The following TDRD1 variants were observed in gnomAD, a reference collection of about 807,000 sequenced individuals.
TDRD1 encodes the protein tudor domain-containing protein 1.
A neutral mutation model predicts 140.6 loss-of-function variants in TDRD1; 37 were observed. The observed-to-expected ratio is 0.26, with a 90% CI of 0.20 to 0.35. TDRD1 has a LOEUF of 0.35. Ranked by LOEUF, TDRD1 falls within the 10% of genes least tolerant of loss-of-function variation. The pLI, the probability that TDRD1 is intolerant of heterozygous loss-of-function variation, is 1.00. For synonymous variants in TDRD1, 506 were observed against 475.7 expected, an observed-to-expected ratio of 1.06 and a Z score of -0.83; for missense variants, 1,243 against 1,393.0, an observed-to-expected ratio of 0.89 and a Z score of 1.71.
At chr10:114,203,223 T>C (rs916890673) in intron 7 of TDRD1, 47 bp downstream of exon 7, 1 of 1,520,854 alleles carries the variant, frequency 6.6e-7, no homozygotes, top group Non-Finnish European at 9.0e-7. Context: ...CAGAGAACTG[T>C]ATTTATTCTC....
rs757755327 is a variant in TDRD1, at chr10:114,220,640, A to G, written c.2567A>G (p.Lys856Arg). The change falls in exon 19 of 26, where the codon AAA becomes AGA. Residue 856 changes from lysine to arginine, a missense_variant. Transcript: ENST00000251864. Reference sequence around the variant, plus strand: ...TTCCAGATGTGTGTTGCTGGGATAAAATTGCAAGCCAGAGTGGTTGAAGTC... The same window carrying G: ...TTCCAGATGTGTGTTGCTGGGATAAGATTGCAAGCCAGAGTGGTTGAAGTC... The G allele has an allele frequency of 3.7e-6, 6 of 1,613,636 alleles. No individual in the cohort carries two copies. The African/African-American group carries it at 6.7e-5, about 18-fold the overall frequency.
rs907429258 is a variant in TDRD1 at position 114,221,568 on chromosome 10, A to G, written c.2890+92A>G. The G allele has an allele frequency of 7.4e-6, 9 of 1,222,892 alleles. No individual in the cohort carries two copies. The African/African-American group carries it at 7.6e-5, about 10-fold the overall frequency. 75.8% of individuals were successfully genotyped at this position (1,222,892 alleles called of 1,614,324 possible). ...TTGAATTCCTTTGGGAATGAAGGGG[A>G]GAAAGAGGCTCACTGTTTTAAGGAA... On this transcript the variant is annotated intron_variant, in intron 20 of 25. Transcript: ENST00000251864.
At chr10:114,213,644 A>G in intron 15 of TDRD1, 56 bp downstream of exon 15, 1 of 1,492,502 alleles carries the variant, frequency 6.7e-7, no homozygotes, top group East Asian at 2.3e-5. Context: ...GGTTCTATAA[A>G]TAAATAGTTT....
chr10:114,204,584 G>C, intron 9 of TDRD1, 138 bp from the exon 10 acceptor site: 2 of 872,568 alleles, frequency 2.3e-6, no homozygotes, highest in African/African-American at 1.7e-5. Context: ...TAATTATACA[G>C]AAAATTGTCT....
At chr10:114,192,260 A>G (rs1214071607) in intron 3 of TDRD1, among the ~76,000 whole-genome samples, 1 of 38,360 alleles carries the variant, frequency 2.6e-5, no homozygotes. Context: ...GAAAATGTTC[A>G]TTTTTTTCCC....
chr10:114,211,016 T>A, intron 13 of TDRD1, 49 bp downstream of exon 13: 2 of 1,420,120 alleles, frequency 1.4e-6, no homozygotes, highest in Non-Finnish European at 1.9e-6. Context: ...TATTTATTTT[T>A]TACTTAGAAT....
chr10:114,192,996 G>T (rs2034093414), intron 3 of TDRD1, among the ~76,000 whole-genome samples: 1 of 152,200 alleles, frequency 6.6e-6, no homozygotes, highest in African/African-American at 2.4e-5. Context: ...GGATTTTCAT[G>T]TGAATTGCAT....
rs571472920 is a variant in TDRD1 at position 114,216,529 on chromosome 10, CCTAAGTGTGGATACACACTA to C, written c.2213-1002_2213-983del. ...CTGACCCCATGGTTGTGAGATTTAA[CCTAAGTGTGGATACACACTA>C]CTAAGTGTGGATAAATACAGGATTA... On this transcript the variant is annotated intron_variant, in intron 16 of 25. Coordinates refer to ENST00000251864, the Ensembl canonical transcript of TDRD1. Among the ~76,000 whole-genome samples, 46 of 152,224 alleles carry C rather than the reference CCTAAGTGTGGATACACACTA, an allele frequency of 3.0e-4. No homozygotes were observed. The South Asian group carries it at 3.9e-3, about 13-fold the overall frequency.
chr10:114,204,546 T>A (rs759552413), intron 9 of TDRD1, among the ~76,000 whole-genome samples, 176 bp from the exon 10 acceptor site: 1 of 152,204 alleles, frequency 6.6e-6, no homozygotes, highest in African/African-American at 2.4e-5. Context: ...GTAAGCGTTA[T>A]GAATACAGTA....
chr10:114,222,234 TA>T (rs2036187508), intron 20 of TDRD1, among the ~76,000 whole-genome samples: 1 of 152,214 alleles, frequency 6.6e-6, no homozygotes, highest in Non-Finnish European at 1.5e-5. Context: ...CTATTGAGGA[TA>T]ATTTTATTAA....
At chr10:114,216,810 G>T (rs1474324139) in intron 16 of TDRD1, among the ~76,000 whole-genome samples, 1 of 152,172 alleles carries the variant, frequency 6.6e-6, no homozygotes, top group Admixed American at 6.5e-5. Context: ...AATCTGAAAG[G>T]TGAAACATCT....
intron 3 of TDRD1, among the ~76,000 whole-genome samples, chr10:114,193,683 A>C (rs2034149782): frequency 6.6e-6 from 1 of 151,996 alleles, no homozygotes; most frequent in Non-Finnish European, 1.5e-5. Context: ...TTTCTTTTTC[A>C]ATGTATATGC....
Position 114,186,649 on chromosome 10 carries a change from G to A in TDRD1, c.-6-1177G>A, listed in dbSNP as rs548295361. Among the ~76,000 whole-genome samples, 44 of 152,182 alleles carry A rather than the reference G, an allele frequency of 2.9e-4. 1 individual carries two copies. The highest frequency in any genetic ancestry group is 3.5e-4 in the Non-Finnish European group (24 of 68,010). On this transcript the variant is annotated intron_variant, in intron 1 of 25. Coordinates refer to ENST00000251864, the Ensembl canonical transcript of TDRD1. ...CTCAGCCTGTCCCTTCAATTTAGGCGTGCTTATCCATAACAGTTTTACTTC... is the reference window on the plus strand; with the variant it reads ...CTCAGCCTGTCCCTTCAATTTAGGCATGCTTATCCATAACAGTTTTACTTC...
At chr10:114,217,630 A>G (rs760938926) in exon 17 of TDRD1, 1 of 1,604,130 alleles carries the variant, frequency 6.2e-7, no homozygotes, top group Admixed American at 1.7e-5. Context: ...CAGAGATAGG[A>G]CAACCTTGTT....
intron 21 of TDRD1, among the ~76,000 whole-genome samples, chr10:114,222,988 A>G (rs574182409): frequency 5.3e-5 from 8 of 152,356 alleles, no homozygotes; most frequent in African/African-American, 1.9e-4. Context: ...CAGTCACATT[A>G]CATTTCTTTA....
At chr10:114,193,586 G>C (rs2034141737) in intron 3 of TDRD1, among the ~76,000 whole-genome samples, 1 of 152,014 alleles carries the variant, frequency 6.6e-6, no homozygotes, top group African/African-American at 2.4e-5. Context: ...TGAGCCACCG[G>C]GACCAGCCAC....
At chr10:114,212,411 T>C (rs2035543739) in intron 14 of TDRD1, among the ~76,000 whole-genome samples, 1 of 152,198 alleles carries the variant, frequency 6.6e-6, no homozygotes, top group Non-Finnish European at 1.5e-5. Context: ...TGATACATAT[T>C]GTACATTTTC....
chr10:114,226,171 A>G, exon 22 of TDRD1: 1 of 1,614,072 alleles, frequency 6.2e-7, no homozygotes, highest in Non-Finnish European at 8.5e-7. Context: ...AATCACCTCT[A>G]GCCACCTGGC....
intron 3 of TDRD1, among the ~76,000 whole-genome samples, chr10:114,193,593 C>T (rs894805602): frequency 1.3e-5 from 2 of 152,226 alleles, no homozygotes; most frequent in Admixed American, 1.3e-4. Context: ...CCGGGACCAG[C>T]CACTGAAGTC....
Sources: allele counts gnomAD v4.1 joint callset (sites outside exome capture counted in the v4.1 genomes callset), GRCh38; gene constraint gnomAD v4.1.1; transcripts MANE v1.5; gene names NCBI Gene and HGNC (gene_info 2026-07-23, HGNC 2026-07-21).